PAM: variants seen among roughly 807,000 people sequenced by gnomAD.
The protein encoded by PAM is peptidyl-glycine alpha-amidating monooxygenase.
PAM carries 72 observed loss-of-function variants against 122.1 expected under a neutral mutation model. The ratio of observed to expected loss-of-function variants is 0.59; its 90% confidence interval spans 0.49 to 0.72. PAM has a LOEUF of 0.72. PAM is among the 30% of genes least tolerant of loss of function. PAM has a pLI of 0.00. For synonymous variants in PAM, 389 were observed against 404.4 expected, an observed-to-expected ratio of 0.96 and a Z score of 0.46; for missense variants, 1,106 against 1,183.7, an observed-to-expected ratio of 0.93 and a Z score of 0.96.
At chr5:103,011,920 TTTG>T (rs1282917473) in intron 21 of PAM, among the ~76,000 whole-genome samples, 1 of 152,200 alleles carries the variant, frequency 6.6e-6, no homozygotes, top group Non-Finnish European at 1.5e-5. Flanking sequence ...CTCATCAGCA[TTTG>T]TTATCACCTG....
At chr5:102,839,709 C>T (rs910523803) in intron 1 of PAM, among the ~76,000 whole-genome samples, 2 of 151,972 alleles carry the variant, frequency 1.3e-5, no homozygotes, top group Non-Finnish European at 2.9e-5. Flanking sequence ...GAAATTTTAT[C>T]CAGTGAGTTA....
intron 21 of PAM, among the ~76,000 whole-genome samples, chr5:103,014,667 A>G (rs921010716): frequency 2.6e-5 from 4 of 152,152 alleles, no homozygotes; most frequent in Admixed American, 6.5e-5. Context: ...ATCTCCTCTT[A>G]CATTTCAGTT....
At chr5:102,964,869 C>T (rs116164673) in intron 14 of PAM, among the ~76,000 whole-genome samples, 2,146 of 151,694 alleles carry the variant, frequency 0.014, 48 homozygotes, top group African/African-American at 0.05. Context: ...CTGCATAATA[C>T]GTGCATATTC....
intron 1 of PAM, among the ~76,000 whole-genome samples, chr5:102,862,599 C>T (rs142958646): frequency 5.3e-5 from 8 of 152,210 alleles, no homozygotes; most frequent in Admixed American, 1.3e-4. Context: ...AGAGTGGGAA[C>T]GTTATCTGTC....
At chr5:102,885,604 C>T (rs1019852453) in intron 3 of PAM, among the ~76,000 whole-genome samples, 3 of 151,908 alleles carry the variant, frequency 2.0e-5, no homozygotes, top group African/African-American at 7.2e-5. Context: ...TTTTTCTCAG[C>T]TTGTCATAAC....
intron 8 of PAM, among the ~76,000 whole-genome samples, chr5:102,947,443 A>G (rs112378637): frequency 5.3e-5 from 8 of 152,322 alleles, no homozygotes; most frequent in African/African-American, 1.9e-4. Context: ...CAAACATTGT[A>G]TGTTCTCACT....
At chr5:102,935,138 C>T (rs1395407065) in intron 7 of PAM, among the ~76,000 whole-genome samples, 1 of 152,094 alleles carries the variant, frequency 6.6e-6, no homozygotes, top group Non-Finnish European at 1.5e-5. Context: ...TCAATCATAC[C>T]TCCCTTTCTC....
intron 1 of PAM, among the ~76,000 whole-genome samples, chr5:102,810,723 G>C (rs1767666477): frequency 1.3e-5 from 2 of 152,186 alleles, no homozygotes; most frequent in African/African-American, 4.8e-5. Flanking sequence ...AGCTACTCAG[G>C]AGGCTGAGGC....
At chr5:102,984,105 A>G (rs1018234785) in intron 15 of PAM, among the ~76,000 whole-genome samples, 2 of 152,182 alleles carry the variant, frequency 1.3e-5, no homozygotes, top group Non-Finnish European at 2.9e-5. Context: ...CACAAATGAG[A>G]AAGAGAAAGG....
intron 16 of PAM, among the ~76,000 whole-genome samples, chr5:103,000,732 G>T (rs1390758829): frequency 2.0e-5 from 3 of 152,108 alleles, no homozygotes; most frequent in Non-Finnish European, 2.9e-5. Flanking sequence ...GCAAGAAGGA[G>T]AAGTGCCAAG....
chr5:102,880,304 T>A (rs1396233740), intron 3 of PAM, among the ~76,000 whole-genome samples: 2 of 151,820 alleles, frequency 1.3e-5, no homozygotes, highest in African/African-American at 2.4e-5. Flanking sequence ...AAGTGACATA[T>A]GACTGCATTT....
intron 4 of PAM, among the ~76,000 whole-genome samples, chr5:102,907,348 C>G (rs1430445860): frequency 1.3e-5 from 2 of 151,570 alleles, no homozygotes; most frequent in African/African-American, 2.4e-5. Flanking sequence ...ATATGTGCCA[C>G]ATTTTCTTAA....
intron 1 of PAM, among the ~76,000 whole-genome samples, chr5:102,847,919 A>G (rs1780349081): frequency 6.6e-6 from 1 of 152,226 alleles, no homozygotes; most frequent in Non-Finnish European, 1.5e-5. Flanking sequence ...AGCAAGAATA[A>G]GAGCATGGTG....
intron 1 of PAM, among the ~76,000 whole-genome samples, chr5:102,777,338 TC>T (rs1209586063): frequency 6.6e-6 from 1 of 152,074 alleles, no homozygotes; most frequent in South Asian, 2.1e-4. Context: ...TGCCCTGCTC[TC>T]CTTTTTCCCC....
intron 1 of PAM, among the ~76,000 whole-genome samples, chr5:102,841,144 T>C (rs538026332): frequency 5.3e-5 from 8 of 152,176 alleles, no homozygotes; most frequent in Non-Finnish European, 8.8e-5. Flanking sequence ...AGAAATAGCA[T>C]ACATAGTAAG....
intron 1 of PAM, among the ~76,000 whole-genome samples, chr5:102,776,110 CAT>C (rs1757112795): frequency 6.6e-6 from 1 of 152,044 alleles, no homozygotes; most frequent in Admixed American, 6.6e-5. Context: ...AGCTTTTTTT[CAT>C]ATGTTTGTTG....
intron 21 of PAM, among the ~76,000 whole-genome samples, chr5:103,013,165 A>G (rs1040200290): frequency 1.4e-4 from 22 of 152,106 alleles, no homozygotes; most frequent in African/African-American, 5.1e-4. Context: ...GGGTATATGG[A>G]TATTTTAACA....
chr5:102,804,619 A>T (rs1453782092), intron 1 of PAM, among the ~76,000 whole-genome samples: 3 of 152,242 alleles, frequency 2.0e-5, no homozygotes, highest in Non-Finnish European at 2.9e-5. Context: ...TCCTTGGAAC[A>T]TCTTAACTGG....
At chr5:102,862,720 T>C (rs1347360396) in intron 1 of PAM, among the ~76,000 whole-genome samples, 3 of 152,206 alleles carry the variant, frequency 2.0e-5, no homozygotes, top group Admixed American at 1.3e-4. Flanking sequence ...CTAAGGGTAT[T>C]AATTTAGTTT....
Sources: gnomAD v4.1 joint callset for allele counts (sites outside exome capture counted in the v4.1 genomes callset) on GRCh38, gnomAD v4.1.1 for gene constraint, MANE v1.5 for transcripts, NCBI Gene and HGNC (gene_info 2026-07-23, HGNC 2026-07-21) for gene names.